CTNND2: variants seen among roughly 807,000 people sequenced by gnomAD.
CTNND2 encodes the protein catenin delta 2, also known as catenin delta-2.
CTNND2 carries 22 observed loss-of-function variants against 144.4 expected under a neutral mutation model. The observed-to-expected ratio is 0.15, with a 90% CI of 0.11 to 0.22. The LOEUF is 0.22. CTNND2 is among the 10% of genes least tolerant of loss of function. The pLI is 1.00. For missense variants in CTNND2, 1,353 were observed against 1,618.8 expected, an observed-to-expected ratio of 0.84 and a Z score of 2.82; for synonymous variants, 751 against 695.6, an observed-to-expected ratio of 1.08 and a Z score of -1.25.
chr5:11,844,460 C>T (rs1302986753), intron 1 of CTNND2, among the ~76,000 whole-genome samples: 3 of 152,002 alleles, frequency 2.0e-5, no homozygotes, highest in Admixed American at 1.3e-4. Flanking sequence ...CCTCTAAAGC[C>T]AAATTAGGAT....
intron 1 of CTNND2, among the ~76,000 whole-genome samples, chr5:11,764,138 G>A (rs1448305075): frequency 6.6e-6 from 1 of 152,084 alleles, no homozygotes; most frequent in Non-Finnish European, 1.5e-5. Context: ...TGTGACAAAG[G>A]AAGAAGGAAT....
chr5:11,405,192 T>C (rs1255290608), intron 5 of CTNND2, among the ~76,000 whole-genome samples: 2 of 152,148 alleles, frequency 1.3e-5, no homozygotes, highest in Non-Finnish European at 2.9e-5. Context: ...TCTACACACA[T>C]TGTGCTTGAT....
chr5:11,830,811 G>A (rs765116378), intron 1 of CTNND2, among the ~76,000 whole-genome samples: 1 of 151,986 alleles, frequency 6.6e-6, no homozygotes, highest in Non-Finnish European at 1.5e-5. Context: ...CCTAGGTAAG[G>A]AGTGAGTTAA....
intron 2 of CTNND2, among the ~76,000 whole-genome samples, chr5:11,578,837 T>G (rs1778181767): frequency 1.3e-5 from 2 of 152,192 alleles, no homozygotes; most frequent in African/African-American, 4.8e-5. Context: ...GTATTTCCTA[T>G]TCTTGATAAG....
intron 1 of CTNND2, among the ~76,000 whole-genome samples, chr5:11,820,108 T>A (rs541377406): frequency 6.6e-6 from 1 of 152,254 alleles, no homozygotes; most frequent in African/African-American, 2.4e-5. Flanking sequence ...AAATGTGAGT[T>A]CCCTGGTACT....
intron 2 of CTNND2, among the ~76,000 whole-genome samples, chr5:11,684,177 C>G (rs1784543557): frequency 6.6e-6 from 1 of 151,954 alleles, no homozygotes; most frequent in Non-Finnish European, 1.5e-5. Flanking sequence ...TCTCGGCTCA[C>G]TGCAAGCTCT....
At chr5:11,676,405 A>T (rs1173746590) in intron 2 of CTNND2, among the ~76,000 whole-genome samples, 3 of 152,006 alleles carry the variant, frequency 2.0e-5, no homozygotes, top group Admixed American at 2.0e-4. Flanking sequence ...GGTTTTTAGC[A>T]CCCAATTTAT....
intron 2 of CTNND2, among the ~76,000 whole-genome samples, chr5:11,586,546 C>T (rs764548092): frequency 2.6e-5 from 4 of 152,206 alleles, no homozygotes; most frequent in Non-Finnish European, 5.9e-5. Flanking sequence ...TTTGTTCCCA[C>T]ACCATTCCAA....
chr5:11,219,420 C>CT (rs1417765783), intron 10 of CTNND2, among the ~76,000 whole-genome samples: 1 of 152,182 alleles, frequency 6.6e-6, no homozygotes, highest in African/African-American at 2.4e-5. Flanking sequence ...GTTTTTATTT[C>CT]TTTTTTCTTC....
chr5:11,529,058 G>A (rs1042912333), intron 3 of CTNND2, among the ~76,000 whole-genome samples: 2 of 152,196 alleles, frequency 1.3e-5, no homozygotes, highest in South Asian at 2.1e-4. Context: ...GACTGGTGCC[G>A]GCAGGAAATA....
intron 9 of CTNND2, among the ~76,000 whole-genome samples, chr5:11,317,461 T>C (rs1038161620): frequency 1.3e-4 from 20 of 152,236 alleles, no homozygotes; most frequent in Non-Finnish European, 2.5e-4. Flanking sequence ...TTTTGCTTTT[T>C]CTCTATAATA....
intron 3 of CTNND2, among the ~76,000 whole-genome samples, chr5:11,485,802 G>A (rs1768767590): frequency 6.6e-6 from 1 of 152,078 alleles, no homozygotes; most frequent in Non-Finnish European, 1.5e-5. Flanking sequence ...ATGAAAATAG[G>A]CAAAACGTAT....
At chr5:11,029,892 G>GCAT (rs1187211655) in intron 16 of CTNND2, among the ~76,000 whole-genome samples, 1 of 152,162 alleles carries the variant, frequency 6.6e-6, no homozygotes. Flanking sequence ...ACTGTTTAGT[G>GCAT]TTCTTGCATT....
At chr5:11,262,208 C>T (rs1347195006) in intron 9 of CTNND2, among the ~76,000 whole-genome samples, 1 of 152,008 alleles carries the variant, frequency 6.6e-6, no homozygotes, top group East Asian at 1.9e-4. Context: ...AAAACAAAAC[C>T]CAGGAGATTT....
chr5:11,701,547 A>G (rs182526465), intron 2 of CTNND2, among the ~76,000 whole-genome samples: 1 of 152,314 alleles, frequency 6.6e-6, no homozygotes, highest in Non-Finnish European at 1.5e-5. Flanking sequence ...AGAATTATTA[A>G]TGAGTTTTCT....
intron 3 of CTNND2, among the ~76,000 whole-genome samples, chr5:11,494,586 G>A (rs1431068942): frequency 6.6e-6 from 1 of 152,162 alleles, no homozygotes; most frequent in African/African-American, 2.4e-5. Flanking sequence ...CAATAAAAAT[G>A]AGAAATGCTT....
intron 3 of CTNND2, among the ~76,000 whole-genome samples, chr5:11,461,373 T>C (rs1766206590): frequency 6.6e-6 from 1 of 152,106 alleles, no homozygotes; most frequent in African/African-American, 2.4e-5. Context: ...TGAGAGTAAA[T>C]GTAACTGCAA....
At chr5:11,272,399 A>C (rs2149979580) in intron 9 of CTNND2, among the ~76,000 whole-genome samples, 1 of 152,312 alleles carries the variant, frequency 6.6e-6, no homozygotes, top group Middle Eastern at 3.4e-3. Context: ...TATTTTAGGA[A>C]AGATAAATGT....
Position 10,974,627 on chromosome 5 carries a change from C to T in CTNND2, c.3418-914G>A, listed in dbSNP as rs560931394. ...GGTTAACCCTACAGCAAGTGCATAC[C>T]GGGATGCACAAAGCTCTGCTAATGT... On this transcript the variant is annotated intron_variant, in intron 21 of 21. Coordinates refer to ENST00000304623, the MANE Select transcript of CTNND2 (RefSeq NM_001332.4). Among the ~76,000 whole-genome samples the T allele has an allele frequency of 2.0e-5, 3 of 152,232 alleles. No individual in the cohort carries two copies. In the East Asian group the frequency reaches 5.8e-4, roughly 29 times the overall value.
Sources: gnomAD v4.1 joint callset for allele counts (sites outside exome capture counted in the v4.1 genomes callset) on GRCh38, gnomAD v4.1.1 for gene constraint, MANE v1.5 for transcripts, NCBI Gene and HGNC (gene_info 2026-07-23, HGNC 2026-07-21) for gene names.